Variants in GNG7 observed in about 807,000 individuals in gnomAD.
The protein encoded by GNG7 is G protein subunit gamma 7.
In GNG7, 1 loss-of-function variant was observed where a neutral mutation model predicts 4.0. The observed-to-expected ratio is 0.25, with a 90% CI of 0.09 to 1.18. The LOEUF (loss-of-function observed/expected upper bound fraction) is 1.18, where lower values mean the gene tolerates loss of function less well. GNG7 is among the 50% of genes most tolerant of loss of function. The pLI, the probability that GNG7 is intolerant of heterozygous loss-of-function variation, is 0.50. For synonymous variants in GNG7, 34 were observed against 36.9 expected, an observed-to-expected ratio of 0.92 and a Z score of 0.29; for missense variants, 86 against 91.9, an observed-to-expected ratio of 0.94 and a Z score of 0.26.
At chr19:2,678,450 C>T (rs1477026973) in intron 1 of GNG7, among the ~76,000 whole-genome samples, 1 of 152,166 alleles carries the variant, frequency 6.6e-6, no homozygotes, top group African/African-American at 2.4e-5. Context: ...GGAAAAGCCA[C>T]GGAATGCAAA....
intron 1 of GNG7, among the ~76,000 whole-genome samples, chr19:2,668,542 C>T (rs944447588): frequency 6.6e-6 from 1 of 152,110 alleles, no homozygotes; most frequent in Non-Finnish European, 1.5e-5. Flanking sequence ...TGGAGGGAGC[C>T]CCCGGAACAC....
In GNG7 at chr19:2,665,361, TGG is replaced by T. The variant is rs145443709; in HGVS notation, c.-134-19083_-134-19082del. ...TCCCCAGACATGGCCCAGTGTCCCC[TGG>T]GGGGGGGGGGGCAGGATCACCCTGC... On this transcript the variant is annotated intron_variant, in intron 1 of 4. Coordinates refer to ENST00000382159, the MANE Select transcript of GNG7 (RefSeq NM_052847.3). Among the ~76,000 whole-genome samples, 943 of 132,814 alleles carry T rather than the reference TGG, an allele frequency of 7.1e-3. 13 individuals are homozygous for T. Among genetic ancestry groups the T allele is most frequent in the African/African-American group, 0.023 (760 of 33,458 alleles). The allele number at this position is 132,814 out of a possible 152,430, so 87.1% of individuals were successfully genotyped here.
At chr19:2,605,943 G>A (rs1001067557) in intron 2 of GNG7, among the ~76,000 whole-genome samples, 7 of 152,152 alleles carry the variant, frequency 4.6e-5, no homozygotes, top group Non-Finnish European at 1.0e-4. Flanking sequence ...AAAATTCACA[G>A]GTTCCAGACA....
At chr19:2,696,346 GAA>G (rs368532044) in intron 1 of GNG7, among the ~76,000 whole-genome samples, 1 of 104,410 alleles carries the variant, frequency 9.6e-6, no homozygotes. Context: ...AAGAAAGAAA[GAA>G]AAGAAAGAAA....
At chr19:2,589,733 A>G (rs781185195) in intron 2 of GNG7, among the ~76,000 whole-genome samples, 1 of 152,170 alleles carries the variant, frequency 6.6e-6, no homozygotes, top group Non-Finnish European at 1.5e-5. Context: ...CTGCATACGC[A>G]CTACAACGTG....
At chr19:2,668,540 G>A (rs1326990052) in intron 1 of GNG7, among the ~76,000 whole-genome samples, 2 of 152,126 alleles carry the variant, frequency 1.3e-5, no homozygotes, top group Non-Finnish European at 1.5e-5. Context: ...GCTGGAGGGA[G>A]CCCCCGGAAC....
At position 2,557,304 on chromosome 19, in the gene GNG7, T is replaced by C. The variant is rs1979591167; in HGVS notation, c.-77-2116A>G. Among the ~76,000 whole-genome samples, 1 of 129,092 alleles carries C rather than the reference T, an allele frequency of 7.7e-6. No individual in the cohort carries two copies. Among genetic ancestry groups the C allele is most frequent in the African/African-American group, 3.2e-5 (1 of 31,594 alleles). 84.7% of individuals were successfully genotyped at this position (129,092 alleles called of 152,430 possible). ...ACACGTGCACACACAGAGGTGCACA[T>C]ACACGCACAGACACACATGTGCACA... On this transcript the variant is annotated intron_variant, in intron 2 of 4. Transcript: ENST00000382159. The surrounding 1 kb of genome is among the most constrained non-coding windows in gnomAD (Gnocchi z 5.1).
In GNG7 at chr19:2,614,877, G is replaced by A. The variant is rs181860115; in HGVS notation, c.-78+31347C>T. Among the ~76,000 whole-genome samples, 18 of 152,340 alleles carry A rather than the reference G, an allele frequency of 1.2e-4. No homozygotes were observed. Among genetic ancestry groups the A allele is most frequent in the Admixed American group, 4.6e-4 (7 of 15,304 alleles). On this transcript the variant is annotated intron_variant, in intron 2 of 4. Coordinates refer to ENST00000382159, the MANE Select transcript of GNG7 (RefSeq NM_052847.3). This position sits in a 1 kb window ranked among gnomAD's most constrained non-coding sequence, Gnocchi z 6.0. ...GAACCACCAGACTGGTTTCCAAGGC[G>A]GCTGCCCCATCTTGCATCACACATC...
At chr19:2,568,922 CATATACAA>C (rs1980055869) in intron 2 of GNG7, among the ~76,000 whole-genome samples, 2 of 151,492 alleles carry the variant, frequency 1.3e-5, no homozygotes, top group South Asian at 2.1e-4. Flanking sequence ...CATATACATA[CATATACAA>C]ATATACAAAT....
chr19:2,679,643 T>C (rs1410503163), intron 1 of GNG7, among the ~76,000 whole-genome samples: 1 of 152,180 alleles, frequency 6.6e-6, no homozygotes. Flanking sequence ...TCTGGGAGTT[T>C]CTAGAAGGTT....
intron 3 of GNG7, among the ~76,000 whole-genome samples, chr19:2,536,091 C>G (rs756835385): frequency 3.3e-5 from 5 of 151,938 alleles, no homozygotes; most frequent in Non-Finnish European, 7.4e-5. Flanking sequence ...CACCACTGTA[C>G]TTCAGCCGGG....
intron 2 of GNG7, among the ~76,000 whole-genome samples, chr19:2,603,681 C>T (rs901551164): frequency 6.6e-5 from 10 of 152,162 alleles, no homozygotes; most frequent in African/African-American, 2.4e-4. Context: ...GAAGCCCCTG[C>T]AGCTAGGAGG....
chr19:2,574,063 G>T (rs1039935207), intron 2 of GNG7, among the ~76,000 whole-genome samples: 1 of 152,138 alleles, frequency 6.6e-6, no homozygotes. Flanking sequence ...CTCACCTTGG[G>T]TGCCTGGGTC....
rs71337145 is a variant in GNG7 at position 2,538,076 on chromosome 19, CAAACA to C, written c.-38+17068_-38+17072del. The C allele has an allele frequency of 6.2e-3, 2,673 of 433,472 alleles. 12 individuals are homozygous for C. The highest frequency in any genetic ancestry group is 8.1e-3 in the Middle Eastern group (16 of 1,964). The allele number at this position is 433,472 out of a possible 1,614,324, so 26.9% of individuals were successfully genotyped here. A position where few individuals can be genotyped will look rare whatever the true frequency, so the allele number is the denominator to read the frequency against. ...TGGACAACAGAGCAAGACTCTCTCTCAAACAAAACAAAACAAAACAAAACAAAACA... is the reference window on the plus strand; with the variant it reads ...TGGACAACAGAGCAAGACTCTCTCTCAAACAAAACAAAACAAAACAAAACA... On this transcript the variant is annotated intron_variant, in intron 3 of 4. Coordinates refer to ENST00000382159, the MANE Select transcript of GNG7 (RefSeq NM_052847.3).
intron 1 of GNG7, among the ~76,000 whole-genome samples, chr19:2,662,121 G>A (rs921588879): frequency 2.1e-4 from 32 of 152,072 alleles, no homozygotes; most frequent in African/African-American, 6.3e-4. Context: ...TTAGCCAGGC[G>A]TGGTTGTGGG....
chr19:2,661,971 T>C (rs1035015623), intron 1 of GNG7, among the ~76,000 whole-genome samples: 7 of 152,030 alleles, frequency 4.6e-5, no homozygotes, highest in African/African-American at 1.2e-4. Context: ...TCAACAGCAA[T>C]CAACATGGCC....
At chr19:2,543,711 A>G (rs1314007789) in intron 3 of GNG7, among the ~76,000 whole-genome samples, 3 of 152,228 alleles carry the variant, frequency 2.0e-5, no homozygotes, top group African/African-American at 7.2e-5. Context: ...ATTCCAGCTC[A>G]GAGCGGGCTC....
intron 2 of GNG7, among the ~76,000 whole-genome samples, chr19:2,565,436 C>T (rs888245177): frequency 2.0e-5 from 3 of 150,850 alleles, no homozygotes; most frequent in South Asian, 2.1e-4. Context: ...CACTTGAACC[C>T]GAGAGGCGGA....
intron 2 of GNG7, among the ~76,000 whole-genome samples, chr19:2,568,630 TATATACAC>T (rs1568247191): frequency 3.0e-5 from 4 of 135,006 alleles, no homozygotes; most frequent in South Asian, 2.5e-4. Context: ...CATACACACA[TATATACAC>T]ATATACACAA....
Sources: allele counts gnomAD v4.1 joint callset (sites outside exome capture counted in the v4.1 genomes callset), GRCh38; gene constraint gnomAD v4.1.1; non-coding constraint Gnocchi (gnomAD v3.1); transcripts MANE v1.5; gene names NCBI Gene and HGNC (gene_info 2026-07-23, HGNC 2026-07-21).